IZUMO1R: variants seen among roughly 807,000 people sequenced by gnomAD.
IZUMO1R encodes sperm-egg fusion protein Juno.
In IZUMO1R, 24 loss-of-function variants were observed where a neutral mutation model predicts 22.1. The observed-to-expected ratio is 1.09, with a 90% CI of 0.79 to 1.53. IZUMO1R has a LOEUF of 1.53. IZUMO1R is among the 40% of genes most tolerant of loss of function. The pLI, the probability that IZUMO1R is intolerant of heterozygous loss-of-function variation, is 0.00. For missense variants in IZUMO1R, 308 were observed against 314.9 expected (o/e 0.98, Z 0.17); for synonymous variants, 133 against 121.2 (o/e 1.10, Z -0.64).
chr11:94,307,120 A>G (rs911559014), intron 3 of IZUMO1R, 45 bp from the exon 4 acceptor site: 3 of 1,561,006 alleles, frequency 1.9e-6, no homozygotes, highest in Admixed American at 3.8e-5. Flanking sequence ...TAGTCTTCAC[A>G]TCTCTGCTAT....
At position 94,305,343 on chromosome 11, in the gene IZUMO1R, T is replaced by C. The variant is rs185136396; in HGVS notation, c.-6-288T>C. ...CTCCTCCTCATTCCTGTGATGGGGATCAGGCTTTGGATGTAGAAGGCTCCT... is the reference window on the plus strand; with the variant it reads ...CTCCTCCTCATTCCTGTGATGGGGACCAGGCTTTGGATGTAGAAGGCTCCT... On this transcript the variant is annotated intron_variant, in intron 1 of 4. Transcript: ENST00000687084. 1.6e-3 allele frequency among the ~76,000 whole-genome samples: 237 copies of C among 152,254 alleles called. 1 individual carries two copies. Among genetic ancestry groups the C allele is most frequent in the Non-Finnish European group, 2.6e-3 (179 of 68,008 alleles).
intron 3 of IZUMO1R, 92 bp downstream of exon 3, chr11:94,306,814 G>A (rs1259187734): frequency 1.6e-6 from 2 of 1,278,130 alleles, no homozygotes; most frequent in Admixed American, 2.0e-5. Context: ...ATGCTAGTAG[G>A]AACAGGAGGT....
chr11:94,307,270 A>C lies in IZUMO1R; in HGVS notation c.454A>C (p.Asn152His). ...TCGCATGTCTTACACATGCAAATCC[A>C]ACTGGCGTGGTGGCTGGGACTGGAG... ...DCRMSYTCKS[N>H]WRGGWDWSQG... is the part of the protein sequence containing the mutation. The change falls in exon 4 of 5, where the codon AAC (asparagine) becomes CAC (histidine). Residue 152 changes from asparagine to histidine, a missense_variant. Asn to His is a moderately conservative substitution (Grantham distance 68). Coordinates refer to ENST00000687084, the MANE Select transcript of IZUMO1R (RefSeq NM_001199206.4). 3.1e-6 allele frequency: 5 copies of C among 1,612,388 alleles called. No individual in the cohort carries two copies. Among genetic ancestry groups the C allele is most frequent in the Non-Finnish European group, 4.2e-6 (5 of 1,179,306 alleles).
Position 94,307,746 on chromosome 11 carries a change from C to G in IZUMO1R, c.*54C>G. 1.9e-6 allele frequency: 3 copies of G among 1,591,082 alleles called. No individual in the cohort carries two copies. Among genetic ancestry groups the G allele is most frequent in the Non-Finnish European group, 2.6e-6 (3 of 1,165,126 alleles). ...GCATGTCCACCAACTGTGGGTCAGG[C>G]CAGGCCATGGCCTACCTCCTTCCTC... On this transcript the variant is annotated 3_prime_UTR_variant, in exon 5 of 5. Coordinates refer to ENST00000687084, the MANE Select transcript of IZUMO1R (RefSeq NM_001199206.4).
In IZUMO1R at chr11:94,306,580, C is replaced by A. The variant is rs1483823925; in HGVS notation, c.206C>A (p.Ser69Tyr). ...AGCTGGGAAGCCCATCTGGATGTAT[C>A]CCCACTCTACAACTTCAGCCTGTTT... is the stretch of plus-strand genomic sequence containing the variant. ...TTSWEAHLDV[S>Y]PLYNFSLFHC... Residue 69 changes from serine (S) to tyrosine (Y), a missense_variant, in exon 3 of 5, where the codon TCC (serine) becomes TAC (tyrosine). Coordinates refer to ENST00000687084, the MANE Select transcript of IZUMO1R (RefSeq NM_001199206.4). 6.2e-7 allele frequency: 1 copy of A among 1,613,958 alleles called. No homozygotes were observed. Among genetic ancestry groups the A allele is most frequent in the Non-Finnish European group, 8.5e-7 (1 of 1,179,866 alleles).
At chr11:94,305,599 C>G in intron 1 of IZUMO1R, 32 bp from the exon 2 acceptor site, 1 of 1,608,070 alleles carries the variant, frequency 6.2e-7, no homozygotes, top group Non-Finnish European at 8.5e-7. Context: ...GGTGTCATTT[C>G]CATCAAGTGT....
chr11:94,307,219 G>A lies in IZUMO1R; in HGVS notation c.403G>A (p.Asp135Asn). ...RVVNVPLCQE[D>N]CEEWWEDCRM... ...TGTGAATGTGCCGCTGTGCCAGGAG[G>A]ACTGTGAGGAGTGGTGGGAAGACTG... The change falls in exon 4 of 5, where the codon GAC becomes AAC. Residue 135 changes from aspartate to asparagine, a missense_variant. Transcript: ENST00000687084. 1.2e-6 allele frequency: 2 copies of A among 1,606,650 alleles called. No individual in the cohort carries two copies. Among genetic ancestry groups the A allele is most frequent in the South Asian group, 1.1e-5 (1 of 89,448 alleles).
rs764883956 is a variant in IZUMO1R at position 94,305,664 on chromosome 11, G to C, written c.28G>C (p.Glu10Gln). Reference sequence around the variant, plus strand: ...GGCATGCTGGTGGCCGCTCCTGCTAGAGCTGTGGACAGTCATGCCCACCTG... The same window carrying C: ...GGCATGCTGGTGGCCGCTCCTGCTACAGCTGTGGACAGTCATGCCCACCTG... Reference protein sequence around the residue: MACWWPLLLELWTVMPTWAG... With the variant: MACWWPLLLQLWTVMPTWAG... The change falls in exon 2 of 5, where the codon GAG (glutamate) becomes CAG (glutamine). Residue 10 changes from glutamate (E) to glutamine (Q), a missense_variant. Coordinates refer to ENST00000687084, the MANE Select transcript of IZUMO1R (RefSeq NM_001199206.4). 3 of 1,613,130 alleles carry C rather than the reference G, an allele frequency of 1.9e-6. No individual in the cohort carries two copies. The highest frequency in any genetic ancestry group is 2.7e-5 in the African/African-American group (2 of 74,788).
rs1200237013 is a variant in IZUMO1R, at chr11:94,307,709, AC to A, written c.*18del. 1 of 1,607,706 alleles carries A rather than the reference AC, an allele frequency of 6.2e-7. No homozygotes were observed. Among genetic ancestry groups the A allele is most frequent in the Admixed American group, 1.7e-5 (1 of 59,848 alleles). On this transcript the variant is annotated 3_prime_UTR_variant, in exon 5 of 5. Coordinates refer to ENST00000687084, the MANE Select transcript of IZUMO1R (RefSeq NM_001199206.4). ...CTTTCCTGAGAGCCCTTCTTCTCCCACTCACATTCCTGCATGTCCACCAACT... is the reference window on the plus strand; with the variant it reads ...CTTTCCTGAGAGCCCTTCTTCTCCCATCACATTCCTGCATGTCCACCAACT...
intron 1 of IZUMO1R, 97 bp from the exon 2 acceptor site, chr11:94,305,534 G>T (rs996587816): frequency 4.9e-6 from 7 of 1,422,158 alleles, no homozygotes; most frequent in African/African-American, 1.4e-5. Context: ...ATTTGAGGGA[G>T]ATTGAAGCCC....
At chr11:94,307,401 T>G in intron 4 of IZUMO1R, 23 bp from the exon 5 acceptor site, 1 of 1,613,146 alleles carries the variant, frequency 6.2e-7, no homozygotes. Context: ...GGAGGTAAGC[T>G]GTCCCTCCTC....
rs1213834128 is a variant in IZUMO1R, at chr11:94,306,644, C to A, written c.270C>A (p.Phe90Leu). ...GLLMPGCRKHFIQAICFYECS... is the reference protein window; with the variant it reads ...GLLMPGCRKHLIQAICFYECS... ...TGATGCCTGGCTGTCGGAAGCACTT[C>A]ATCCAGGCTATCTGCTTCTATGAGT... Residue 90 changes from phenylalanine to leucine, a missense_variant, in exon 3 of 5, where the codon TTC becomes TTA. Coordinates refer to ENST00000687084, the MANE Select transcript of IZUMO1R (RefSeq NM_001199206.4). 6.2e-7 allele frequency: 1 copy of A among 1,614,048 alleles called. No homozygotes were observed. The highest frequency in any genetic ancestry group is 1.7e-5 in the Admixed American group (1 of 60,028).
rs748865915 is a variant in IZUMO1R, at chr11:94,306,475, C to T, written c.139-38C>T. The T allele has an allele frequency of 2.9e-5, 47 of 1,595,868 alleles. No homozygotes were observed. In the African/African-American group the frequency reaches 3.6e-4, roughly 12 times the overall value. On this transcript the variant is annotated intron_variant, in intron 2 of 4. Transcript: ENST00000687084. ...CCTAGACACTTGCCGATCCTTGCCC[C>T]TTTTGCCTGGGCCTTTTGTTTCTTC...
chr11:94,306,818 AGGAGGTGTT>A, intron 3 of IZUMO1R, 96 bp downstream of exon 3: 1 of 1,244,808 alleles, frequency 8.0e-7, no homozygotes, highest in East Asian at 2.5e-5. Context: ...TAGTAGGAAC[AGGAGGTGTT>A]ATTTCCCTAT....
chr11:94,305,538 G>A, intron 1 of IZUMO1R, 93 bp from the exon 2 acceptor site: 1 of 1,453,232 alleles, frequency 6.9e-7, no homozygotes, highest in Admixed American at 1.8e-5. Flanking sequence ...GAGGGAGATT[G>A]AAGCCCATCC....
Position 94,307,530 on chromosome 11 carries a change from C to T in IZUMO1R, c.591C>T (p.Ser197=), listed in dbSNP as rs1944035033. The part of the protein sequence containing the change: ...EKTWSNSFKA[S]PERRNSGRCL... Reference sequence around the variant, plus strand: ...CTTGGAGCAATTCCTTCAAAGCCAGCCCTGAGCGACGGAACAGTGGGCGGT... The same window carrying T: ...CTTGGAGCAATTCCTTCAAAGCCAGTCCTGAGCGACGGAACAGTGGGCGGT... Residue 197 remains serine, a synonymous_variant, in exon 5 of 5, where the codon AGC becomes AGT. Coordinates refer to ENST00000687084, the MANE Select transcript of IZUMO1R (RefSeq NM_001199206.4). 5 of 1,613,488 alleles carry T rather than the reference C, an allele frequency of 3.1e-6. No homozygotes were observed. The highest frequency in any genetic ancestry group is 1.7e-5 in the Admixed American group (1 of 60,010).
chr11:94,306,778 C>T, intron 3 of IZUMO1R, 56 bp downstream of exon 3: 1 of 1,544,500 alleles, frequency 6.5e-7, no homozygotes, highest in Non-Finnish European at 8.9e-7. Flanking sequence ...AGAGCTTTCA[C>T]CCGATCTTAT....
chr11:94,305,735 CAA>C lies in IZUMO1R; in HGVS notation c.100_101del (p.Lys34GlufsTer11). The C allele has an allele frequency of 6.2e-7, 1 of 1,613,294 alleles. No individual in the cohort carries two copies. Among genetic ancestry groups the C allele is most frequent in the Non-Finnish European group, 8.5e-7 (1 of 1,179,724 alleles). Reference protein sequence around the residue: ...LNICMNAKHHKRVPSPEDKLY... With the variant: ...LNICMNAKHHXRVPSPEDKLY... ...ACATCTGCATGAATGCCAAACACCA[CAA>C]GAGAGTGCCCAGCCCAGAAGACAAG... is the stretch of plus-strand genomic sequence containing the variant. On this transcript the variant is annotated frameshift_variant, in exon 2 of 5. Transcript: ENST00000687084. LOFTEE classifies it high-confidence loss of function.
chr11:94,304,964 A>G (rs756745308), intron 1 of IZUMO1R, among the ~76,000 whole-genome samples, 85 bp downstream of exon 1: 11 of 152,130 alleles, frequency 7.2e-5, no homozygotes, highest in Non-Finnish European at 1.6e-4. Context: ...ATTCAAGGCC[A>G]TGGCTGAGCT....
Sources: allele counts gnomAD v4.1 joint callset (sites outside exome capture counted in the v4.1 genomes callset), GRCh38; gene constraint gnomAD v4.1.1; transcripts MANE v1.5; gene names NCBI Gene and HGNC (gene_info 2026-07-23, HGNC 2026-07-21).